NEXMIF: variants seen among roughly 807,000 people sequenced by gnomAD.
NEXMIF encodes neurite extension and migration factor.
A neutral mutation model predicts 62.1 loss-of-function variants in NEXMIF; 8 were observed. That is an observed-to-expected ratio of 0.13 (90% CI 0.08 to 0.23). The LOEUF is 0.23. NEXMIF is among the 10% of genes least tolerant of loss of function. The pLI, the probability that NEXMIF is intolerant of heterozygous loss-of-function variation, is 1.00. For synonymous variants in NEXMIF, 404 were observed against 416.6 expected, an observed-to-expected ratio of 0.97 and a Z score of 0.37; for missense variants, 976 against 1,113.3, an observed-to-expected ratio of 0.88 and a Z score of 1.75.
chrX:74,849,342 T>C (rs2080505116), intron 1 of NEXMIF, among the ~76,000 whole-genome samples: 2 of 112,346 alleles, frequency 1.8e-5, no homozygotes, highest in South Asian at 7.4e-4. Context: ...GGCTCTCCAG[T>C]GCAGGAAAAG....
intron 1 of NEXMIF, among the ~76,000 whole-genome samples, chrX:74,811,112 T>C (rs1023369769): frequency 8.9e-6 from 1 of 112,027 alleles, no homozygotes; most frequent in African/African-American, 3.2e-5. Context: ...TAAGAGCCCA[T>C]AGTAAGTATC....
At chrX:74,911,075 G>C (rs1489766930) in intron 1 of NEXMIF, among the ~76,000 whole-genome samples, 1 of 111,934 alleles carries the variant, frequency 8.9e-6, no homozygotes, top group Non-Finnish European at 1.9e-5. Context: ...ATTTGTATAA[G>C]AGTATCCTGA....
At chrX:74,794,858 T>G (rs1274788520) in intron 1 of NEXMIF, among the ~76,000 whole-genome samples, 1 of 111,644 alleles carries the variant, frequency 9.0e-6, no homozygotes, top group African/African-American at 3.3e-5. Context: ...GCGCACCCAC[T>G]GACCTACGCC....
At chrX:74,894,126 T>C (rs181346653) in intron 1 of NEXMIF, among the ~76,000 whole-genome samples, 1 of 100,679 alleles carries the variant, frequency 9.9e-6, no homozygotes, top group East Asian at 7.6e-4. Flanking sequence ...AACCCTTCTC[T>C]ACTAAAAGTA....
chrX:74,793,004 T>C (rs1159868663), intron 1 of NEXMIF, among the ~76,000 whole-genome samples: 2 of 109,005 alleles, frequency 1.8e-5, no homozygotes, highest in Admixed American at 9.8e-5. Flanking sequence ...ATGTGTGAAT[T>C]TGATCCTGTC....
chrX:74,924,408 C>A (rs2080836731), intron 1 of NEXMIF, among the ~76,000 whole-genome samples: 1 of 113,361 alleles, frequency 8.8e-6, no homozygotes, highest in African/African-American at 3.2e-5. Flanking sequence ...GTCGCCACGG[C>A]CGCCCGGCTT....
intron 1 of NEXMIF, among the ~76,000 whole-genome samples, chrX:74,838,836 CAT>C (rs1304253377): frequency 9.0e-6 from 1 of 111,653 alleles, no homozygotes; most frequent in African/African-American, 3.3e-5. Flanking sequence ...ATAAAGAAAA[CAT>C]AGAATGAGAA....
intron 1 of NEXMIF, among the ~76,000 whole-genome samples, chrX:74,839,253 T>C (rs1201108677): frequency 8.9e-6 from 1 of 111,754 alleles, no homozygotes; most frequent in East Asian, 2.8e-4. Context: ...CACACAGAAC[T>C]TTTCATATTG....
intron 1 of NEXMIF, among the ~76,000 whole-genome samples, chrX:74,861,732 A>G (rs2080558354): frequency 8.9e-6 from 1 of 111,875 alleles, no homozygotes; most frequent in South Asian, 3.8e-4. Context: ...AGAATTTCAT[A>G]TCTGATCAAA....
Position 74,830,826 on chromosome X carries a change from A to T in NEXMIF, c.-47-85129T>A, listed in dbSNP as rs1346212056. On this transcript the variant is annotated intron_variant, in intron 1 of 3. Transcript: ENST00000055682. Reference sequence around the variant, plus strand: ...TTTATTGGTGGCTATTATGAAAGAGATTACTTTTTTATTCCTTTTTCAGAT... The same window carrying T: ...TTTATTGGTGGCTATTATGAAAGAGTTTACTTTTTTATTCCTTTTTCAGAT... 2.7e-5 allele frequency among the ~76,000 whole-genome samples: 3 copies of T among 111,767 alleles called. No individual in the cohort carries two copies. The Admixed American group carries it at 2.9e-4, about 11-fold the overall frequency.
chrX:74,889,449 TTTTA>T (rs757829106), intron 1 of NEXMIF, among the ~76,000 whole-genome samples: 8 of 111,970 alleles, frequency 7.1e-5, no homozygotes, highest in Admixed American at 5.7e-4. Context: ...TTAGAAAACT[TTTTA>T]TTTATTTACT....
chrX:74,866,104 G>A (rs1602256053), intron 1 of NEXMIF, among the ~76,000 whole-genome samples: 1 of 111,770 alleles, frequency 8.9e-6, no homozygotes, highest in East Asian at 2.9e-4. Flanking sequence ...AAATGCCACA[G>A]AAACTCAAAG....
At chrX:74,908,169 G>A (rs1569367199) in intron 1 of NEXMIF, among the ~76,000 whole-genome samples, 2 of 111,785 alleles carry the variant, frequency 1.8e-5, no homozygotes, top group Non-Finnish European at 3.8e-5. Flanking sequence ...CAGTCCAAAA[G>A]GCAAAGTAAA....
At chrX:74,812,484 G>C (rs747512959) in intron 1 of NEXMIF, among the ~76,000 whole-genome samples, 1 of 111,594 alleles carries the variant, frequency 9.0e-6, no homozygotes, top group African/African-American at 3.3e-5. Flanking sequence ...TTTCTGACAA[G>C]TAATCAATTA....
chrX:74,910,030 C>A (rs1263561355), intron 1 of NEXMIF, among the ~76,000 whole-genome samples: 1 of 112,670 alleles, frequency 8.9e-6, no homozygotes. Flanking sequence ...CACGGAGAAC[C>A]TCTGCTAGGG....
At chrX:74,801,454 A>G (rs964921764) in intron 1 of NEXMIF, among the ~76,000 whole-genome samples, 1 of 111,885 alleles carries the variant, frequency 8.9e-6, no homozygotes, top group African/African-American at 3.3e-5. Flanking sequence ...TGACATTTCT[A>G]GACATCCACC....
At chrX:74,749,003 T>G in intron 1 of NEXMIF, among the ~76,000 whole-genome samples, 1 of 112,096 alleles carries the variant, frequency 8.9e-6, no homozygotes, top group East Asian at 2.8e-4. Context: ...GATCACAGTA[T>G]TCTATCAAGT....
intron 1 of NEXMIF, among the ~76,000 whole-genome samples, chrX:74,842,485 A>AT (rs879206029): frequency 2.7e-5 from 3 of 110,802 alleles, no homozygotes; most frequent in Non-Finnish European, 5.7e-5. Context: ...TTCAGTTCTG[A>AT]TTTTTTTTAT....
intron 1 of NEXMIF, among the ~76,000 whole-genome samples, chrX:74,839,482 G>T (rs1358912645): frequency 9.0e-6 from 1 of 111,671 alleles, no homozygotes; most frequent in Non-Finnish European, 1.9e-5. Context: ...TGTAACATGG[G>T]AGTTTGTTTT....
Sources: allele counts gnomAD v4.1 joint callset (sites outside exome capture counted in the v4.1 genomes callset), GRCh38; gene constraint gnomAD v4.1.1; transcripts MANE v1.5; gene names NCBI Gene and HGNC (gene_info 2026-07-23, HGNC 2026-07-21).